Variants in RNF41 observed in about 807,000 individuals in gnomAD.
RNF41 encodes E3 ubiquitin-protein ligase NRDP1.
Under a neutral mutation model 33.0 loss-of-function variants are expected in RNF41, and 4 were observed. The observed-to-expected ratio is 0.12, with a 90% CI of 0.06 to 0.28. RNF41 has a LOEUF of 0.28. Ranked by LOEUF, RNF41 falls within the 10% of genes least tolerant of loss-of-function variation. The pLI is 1.00. For synonymous variants in RNF41, 164 were observed against 153.2 expected, an observed-to-expected ratio of 1.07 and a Z score of -0.52; for missense variants, 228 against 432.6, an observed-to-expected ratio of 0.53 and a Z score of 4.19.
rs1214810040 is a variant in RNF41 at position 56,202,273 on chromosome 12, G to A, written c.*4174C>T. On this transcript the variant is annotated 3_prime_UTR_variant, in exon 7 of 7. Transcript: ENST00000345093. ...CCCAGCTACTCCAGAAGCTGAAGTG[G>A]GAAGACCACTAGAGCCCAGGAGTTT... 6.6e-6 allele frequency: 1 copy of A among 151,962 alleles called. No individual in the cohort carries two copies. Among genetic ancestry groups the A allele is most frequent in the Non-Finnish European group, 1.5e-5 (1 of 68,020 alleles). The allele number at this position is 151,962 out of a possible 1,614,324, so 9.4% of individuals were successfully genotyped here.
At chr12:56,213,203 TTG>T in intron 3 of RNF41, 1 of 1,142,348 alleles carries the variant, frequency 8.8e-7, no homozygotes, top group East Asian at 6.0e-5. Context: ...CTATTTGTTT[TTG>T]TTTTTTTTTT....
chr12:56,206,341 G>A lies in RNF41; in HGVS notation c.*106C>T. ...GAAGGGCAGGGAGATGTGTGGCTCA[G>A]GTATAAGCCACAGTATTAAGAATGG... On this transcript the variant is annotated 3_prime_UTR_variant, in exon 7 of 7. Transcript: ENST00000345093. This position sits in a 1 kb window ranked among gnomAD's most constrained non-coding sequence, Gnocchi z 5.7. 1 of 979,282 alleles carries A rather than the reference G, an allele frequency of 1.0e-6. No homozygotes were observed. The highest frequency in any genetic ancestry group is 1.6e-5 in the South Asian group (1 of 64,372). The allele number at this position is 979,282 out of a possible 1,614,324, so 60.7% of individuals were successfully genotyped here.
intron 1 of RNF41, chr12:56,221,489 G>A: frequency 6.6e-6 from 1 of 152,498 alleles, no homozygotes; most frequent in Non-Finnish European, 1.5e-5. Context: ...TTCTGCAGGT[G>A]CCGGTCCTCC....
chr12:56,207,668 T>C lies in RNF41; in HGVS notation c.580A>G (p.Ile194Val), dbSNP rs1369037402. The change falls in exon 6 of 7, where the codon ATT becomes GTT. Residue 194 changes from isoleucine (I) to valine (V), a missense_variant. By Grantham distance (29) the Ile-to-Val change is conservative. This residue lies in a region of RNF41 where 199 missense variants were observed against 334.6 expected (regional missense o/e 0.59). Transcript: ENST00000345093. ...NPNLQNLEET[I>V]EYNEILEWVN... ...CACTCTAGGATCTCGTTGTATTCAA[T>C]TGTCTCCTCCAGGTTCTGAAGGTTG... 2 of 1,613,376 alleles carry C rather than the reference T, an allele frequency of 1.2e-6. No individual in the cohort carries two copies. The highest frequency in any genetic ancestry group is 1.7e-6 in the Non-Finnish European group (2 of 1,179,382).
At position 56,206,779 on chromosome 12, in the gene RNF41, G is replaced by A. The variant is rs1422216673; in HGVS notation, c.622C>T (p.Pro208Ser). The A allele has an allele frequency of 1.2e-6, 2 of 1,613,252 alleles. No homozygotes were observed. Among genetic ancestry groups the A allele is most frequent in the African/African-American group, 2.7e-5 (2 of 74,914 alleles). Reference protein sequence around the residue: ...EILEWVNSLQPARVTRWGGMI... With the variant: ...EILEWVNSLQSARVTRWGGMI... Reference sequence around the variant, plus strand: ...CCTCCCCAGCGGGTCACTCTTGCTGGCTGAAGGGAGTTCACCCACCTGTGT... The same window carrying A: ...CCTCCCCAGCGGGTCACTCTTGCTGACTGAAGGGAGTTCACCCACCTGTGT... The change falls in exon 7 of 7, where the codon CCA becomes TCA. Residue 208 changes from proline to serine, a missense_variant. Transcript: ENST00000345093. The surrounding 1 kb of genome is among the most constrained non-coding windows in gnomAD (Gnocchi z 5.7).
chr12:56,219,093 C>T lies in RNF41; in HGVS notation c.-208-2480G>A, dbSNP rs190289617. Among the ~76,000 whole-genome samples, 204 of 152,150 alleles carry T rather than the reference C, an allele frequency of 1.3e-3. 1 individual carries two copies. Among genetic ancestry groups the T allele is most frequent in the African/African-American group, 4.7e-3 (196 of 41,518 alleles). ...TCTCCTCAGCTCACTCCAACCTCCA[C>T]TTCCCAGGTTCAAACAATTCTCCTG... On this transcript the variant is annotated intron_variant, in intron 1 of 6. Transcript: ENST00000345093.
At position 56,214,828 on chromosome 12, in the gene RNF41, T is replaced by TA. The variant is rs529496845; in HGVS notation, c.-23-759dup. Among the ~76,000 whole-genome samples the TA allele has an allele frequency of 2.4e-3, 350 of 146,446 alleles. 2 individuals carry two copies. The highest frequency in any genetic ancestry group is 8.3e-3 in the African/African-American group (331 of 39,902). ...TAGGCAACAGAGTAAGACTCTGCCTTAAAAAAAAAAGAAAAAAAGAAATGT... is the reference window on the plus strand; with the variant it reads ...TAGGCAACAGAGTAAGACTCTGCCTTAAAAAAAAAAAGAAAAAAAGAAATGT... On this transcript the variant is annotated intron_variant, in intron 2 of 6. Transcript: ENST00000345093.
chr12:56,208,886 C>A (rs529999059), intron 4 of RNF41, among the ~76,000 whole-genome samples: 1 of 139,700 alleles, frequency 7.2e-6, no homozygotes, highest in Admixed American at 7.4e-5. Flanking sequence ...TTTTTCGAGA[C>A]CAAGTTTCAC....
rs373215656 is a variant in RNF41, at chr12:56,206,204, T to C, written c.*243A>G. 8.6e-6 allele frequency: 4 copies of C among 463,326 alleles called. No individual in the cohort carries two copies. Among genetic ancestry groups the C allele is most frequent in the East Asian group, 7.2e-5 (2 of 27,868 alleles). 28.7% of individuals were successfully genotyped at this position (463,326 alleles called of 1,614,324 possible). On this transcript the variant is annotated 3_prime_UTR_variant, in exon 7 of 7. Coordinates refer to ENST00000345093, the MANE Select transcript of RNF41 (RefSeq NM_005785.4). This position sits in a 1 kb window ranked among gnomAD's most constrained non-coding sequence, Gnocchi z 5.7. The stretch of plus-strand genomic sequence containing the variant: ...GGAAAATGGATGGAGGTGGGGGCTT[T>C]CCCACCCAGACTGATAATTTATAGA...
rs748320910 is a variant in RNF41, at chr12:56,214,035, C to T, written c.13G>A (p.Val5Ile). Residue 5 changes from valine to isoleucine, a missense_variant, in exon 3 of 7, where the codon GTA becomes ATA. By Grantham distance (29) the Val-to-Ile change is conservative (BLOSUM62 3). Coordinates refer to ENST00000345093, the MANE Select transcript of RNF41 (RefSeq NM_005785.4). ...TCAACATCCCCCTGGAAACGGGTTA[C>T]ATCATACCCCATGTCTCATCACTGA... MGYD[V>I]TRFQGDVDED... The T allele has an allele frequency of 2.4e-5, 39 of 1,612,924 alleles. No homozygotes were observed. The highest frequency in any genetic ancestry group is 2.9e-5 in the Non-Finnish European group (34 of 1,178,870).
chr12:56,216,840 G>A (rs1303726056), intron 1 of RNF41, among the ~76,000 whole-genome samples: 3 of 152,240 alleles, frequency 2.0e-5, no homozygotes, highest in African/African-American at 4.8e-5. Flanking sequence ...CTGGGAGGGG[G>A]AAAGAAAAGG....
rs1166889501 is a variant in RNF41 at position 56,208,282 on chromosome 12, C to T, written c.379G>A (p.Asp127Asn). The T allele has an allele frequency of 3.1e-6, 5 of 1,614,148 alleles. No individual in the cohort carries two copies. In the South Asian group the frequency reaches 5.5e-5, roughly 18 times the overall value. ...EQGCGLEMPKDELPNHNCIKH... is the reference protein window; with the variant it reads ...EQGCGLEMPKNELPNHNCIKH... ...ATGCAGTTATGGTTGGGCAGCTCATCTTTGGGCATCTCCAGGCTGCAGACC... is the reference window on the plus strand; with the variant it reads ...ATGCAGTTATGGTTGGGCAGCTCATTTTTGGGCATCTCCAGGCTGCAGACC... Residue 127 changes from aspartate to asparagine, a missense_variant, in exon 5 of 7, where the codon GAT becomes AAT. Physicochemically the swap from Asp to Asn is conservative, Grantham distance 23. This residue lies in a region of RNF41 where 199 missense variants were observed against 334.6 expected (regional missense o/e 0.59). Transcript: ENST00000345093.
Position 56,221,875 on chromosome 12 carries a change from G to A in RNF41, c.-324C>T, listed in dbSNP as rs974007078. The A allele has an allele frequency of 2.6e-5, 4 of 152,494 alleles. No individual in the cohort carries two copies. Among genetic ancestry groups the A allele is most frequent in the African/African-American group, 9.6e-5 (4 of 41,468 alleles). 9.4% of individuals were successfully genotyped at this position (152,494 alleles called of 1,614,324 possible). On this transcript the variant is annotated 5_prime_UTR_variant, in exon 1 of 7. Coordinates refer to ENST00000345093, the MANE Select transcript of RNF41 (RefSeq NM_005785.4). ...GCCTCTCCCGGGAAGGGAAGGGAAA[G>A]GGGAAGGAGGGGAAAGAAGACTCCT... is the stretch of plus-strand genomic sequence containing the variant.
At chr12:56,210,142 AAAGT>A (rs1195264885) in intron 4 of RNF41, 151 bp downstream of exon 4, 2 of 722,288 alleles carry the variant, frequency 2.8e-6, no homozygotes, top group Non-Finnish European at 4.5e-6. Flanking sequence ...AAGCAGCAAG[AAAGT>A]AAGATCTTAG....
At chr12:56,207,545 C>T (rs1868294294) in intron 6 of RNF41, 101 bp downstream of exon 6, 10 of 937,890 alleles carry the variant, frequency 1.1e-5, no homozygotes, top group Non-Finnish European at 1.8e-5. Context: ...GACCCCCAGC[C>T]CAGCTCTCCA....
chr12:56,207,286 T>A lies in RNF41; in HGVS notation c.602+360A>T, dbSNP rs771805553. The A allele has an allele frequency of 2.2e-6, 3 of 1,341,050 alleles. No individual in the cohort carries two copies. In the South Asian group the frequency reaches 3.7e-5, roughly 16 times the overall value. 83.1% of individuals were successfully genotyped at this position (1,341,050 alleles called of 1,614,324 possible). ...CACTTTCCTGGACTTGCACTCTGCC[T>A]CCTCTTCTCTGGGTTGTAAGCTACC... On this transcript the variant is annotated intron_variant, in intron 6 of 6. Coordinates refer to ENST00000345093, the MANE Select transcript of RNF41 (RefSeq NM_005785.4).
Position 56,205,534 on chromosome 12 carries a change from G to A in RNF41, c.*913C>T, listed in dbSNP as rs1348736290. 4.2e-5 allele frequency: 6 copies of A among 141,538 alleles called. No homozygotes were observed. Among genetic ancestry groups the A allele is most frequent in the African/African-American group, 1.3e-4 (5 of 37,882 alleles). 8.8% of individuals were successfully genotyped at this position (141,538 alleles called of 1,614,324 possible). On this transcript the variant is annotated 3_prime_UTR_variant, in exon 7 of 7. Transcript: ENST00000345093. ...AAATTAAATTGCCAACAATGTGGCT[G>A]AGATAGCCATGATCAGGCCATTCTT...
At chr12:56,221,346 G>A (rs893532363) in intron 1 of RNF41, among the ~76,000 whole-genome samples, 13 of 152,166 alleles carry the variant, frequency 8.5e-5, no homozygotes, top group African/African-American at 2.9e-4. Context: ...TGGGAGAGGA[G>A]CCAAGCTATG....
At chr12:56,211,791 C>A (rs563465336) in intron 3 of RNF41, among the ~76,000 whole-genome samples, 1 of 150,882 alleles carries the variant, frequency 6.6e-6, no homozygotes, top group Non-Finnish European at 1.5e-5. Flanking sequence ...GCTAACATAG[C>A]GAAACCCTGT....
Sources: gnomAD v4.1 joint callset for allele counts (sites outside exome capture counted in the v4.1 genomes callset) on GRCh38, gnomAD v4.1.1 for gene constraint, gnomAD v4.1.1 regional missense constraint, Gnocchi (gnomAD v3.1) non-coding constraint, MANE v1.5 for transcripts, NCBI Gene and HGNC (gene_info 2026-07-23, HGNC 2026-07-21) for gene names.